PRUNE2: variants seen among roughly 807,000 people sequenced by gnomAD.
PRUNE2 encodes the protein prune homolog 2 with BCH domain.
Under a neutral mutation model 252.0 loss-of-function variants are expected in PRUNE2, and 164 were observed. The observed-to-expected ratio is 0.65, with a 90% confidence interval of 0.57 to 0.74. The LOEUF is 0.74. PRUNE2 is among the 30% of genes least tolerant of loss of function. PRUNE2 has a pLI of 0.00. For synonymous variants in PRUNE2, 1,292 were observed against 1,350.2 expected (o/e 0.96, Z 0.94); for missense variants, 3,495 against 3,711.0 (o/e 0.94, Z 1.51).
chr9:76,772,714 C>T (rs563484064), intron 6 of PRUNE2, among the ~76,000 whole-genome samples: 1 of 152,234 alleles, frequency 6.6e-6, no homozygotes, highest in East Asian at 1.9e-4. Context: ...TAGGCACACA[C>T]GGCTGTATCC....
chr9:76,696,808 C>T (rs944421290), intron 9 of PRUNE2, among the ~76,000 whole-genome samples: 2 of 152,236 alleles, frequency 1.3e-5, no homozygotes, highest in African/African-American at 4.8e-5. Flanking sequence ...CCGTGTCCCT[C>T]ACACTAGGTC....
intron 11 of PRUNE2, among the ~76,000 whole-genome samples, chr9:76,649,615 TA>T (rs1846470412): frequency 1.6e-5 from 2 of 122,482 alleles, no homozygotes; most frequent in African/African-American, 8.1e-5. Flanking sequence ...AGATAGATGA[TA>T]GATAGATAGA....
chr9:76,756,189 A>G (rs1382485534), intron 6 of PRUNE2, among the ~76,000 whole-genome samples: 2 of 152,218 alleles, frequency 1.3e-5, no homozygotes, highest in African/African-American at 4.8e-5. Context: ...CCAACTAATG[A>G]GAGGTCATGT....
intron 9 of PRUNE2, among the ~76,000 whole-genome samples, chr9:76,660,196 C>T (rs1384721708): frequency 1.3e-5 from 2 of 152,274 alleles, no homozygotes; most frequent in East Asian, 1.9e-4. Flanking sequence ...TAGGGTCTCA[C>T]AGCATAAGGG....
chr9:76,615,319 T>G, intron 18 of PRUNE2: 1 of 808,524 alleles, frequency 1.2e-6, no homozygotes, highest in Non-Finnish European at 1.5e-6. Flanking sequence ...GAGAAACTAT[T>G]AGTTTGCAAA....
chr9:76,755,028 G>A (rs1293302897), intron 6 of PRUNE2, among the ~76,000 whole-genome samples: 2 of 149,356 alleles, frequency 1.3e-5, no homozygotes, highest in East Asian at 3.9e-4. Flanking sequence ...AACTTTTTAT[G>A]GTTCCTTATC....
intron 9 of PRUNE2, among the ~76,000 whole-genome samples, chr9:76,703,115 T>TCC (rs397704345): frequency 2.7e-5 from 4 of 149,912 alleles, no homozygotes; most frequent in South Asian, 4.3e-4. Context: ...GGTATAAGAC[T>TCC]GAATGAAAAT....
chr9:76,863,400 C>T (rs370501506), intron 1 of PRUNE2: 1 of 152,154 alleles, frequency 6.6e-6, no homozygotes, highest in African/African-American at 2.4e-5. Context: ...AAAAACATTA[C>T]TGTCTTCATA....
Position 76,717,705 on chromosome 9 carries a change from G to A in PRUNE2, c.757-3984C>T, listed in dbSNP as rs369531777. Among the ~76,000 whole-genome samples, 11 of 151,928 alleles carry A rather than the reference G, an allele frequency of 7.2e-5. No homozygotes were observed. In the East Asian group the frequency reaches 2.1e-3, roughly 29 times the overall value. On this transcript the variant is annotated intron_variant, in intron 6 of 18. Coordinates refer to ENST00000376718, the MANE Select transcript of PRUNE2 (RefSeq NM_015225.3). ...CCCCCACCAGCCACACACACCTTCT[G>A]CATTTGTGACCCCAGCCTATAACTG...
At chr9:76,872,600 A>AAC (rs71354690) in intron 1 of PRUNE2, among the ~76,000 whole-genome samples, 26,447 of 139,124 alleles carry the variant, frequency 0.19, 2,523 homozygotes, top group East Asian at 0.33. Flanking sequence ...GATTATGGAA[A>AAC]ACACACACAC....
At chr9:76,657,718 A>G (rs1018749515) in intron 9 of PRUNE2, among the ~76,000 whole-genome samples, 2 of 152,266 alleles carry the variant, frequency 1.3e-5, no homozygotes, top group Non-Finnish European at 2.9e-5. Flanking sequence ...AAGGTATTAC[A>G]TACCCTCCAC....
rs560331397 is a variant in PRUNE2 at position 76,903,884 on chromosome 9, G to A, written c.36+2044C>T. Among the ~76,000 whole-genome samples the A allele has an allele frequency of 4.7e-4, 72 of 152,244 alleles. 1 individual carries two copies. Among genetic ancestry groups the A allele is most frequent in the Non-Finnish European group, 7.2e-4 (49 of 68,024 alleles). ...ATTACAGGCGTGAGCCACCACACCC[G>A]GCCAAATCTTACCTTTTTATTATAA... On this transcript the variant is annotated intron_variant, in intron 1 of 18. Transcript: ENST00000376718.
intron 1 of PRUNE2, among the ~76,000 whole-genome samples, chr9:76,891,929 T>C (rs1218984776): frequency 6.6e-6 from 1 of 152,080 alleles, no homozygotes; most frequent in Non-Finnish European, 1.5e-5. Flanking sequence ...ATCAAGTAGG[T>C]GACAACAGTT....
chr9:76,727,705 C>A (rs1027237335), intron 6 of PRUNE2, among the ~76,000 whole-genome samples: 8 of 76,584 alleles, frequency 1.0e-4, no homozygotes, highest in Admixed American at 1.7e-4. Context: ...TATGGGTAAA[C>A]AGGGCTTTTT....
intron 6 of PRUNE2, among the ~76,000 whole-genome samples, chr9:76,752,654 G>A (rs1182753348): frequency 2.0e-5 from 3 of 152,280 alleles, no homozygotes; most frequent in East Asian, 3.9e-4. Flanking sequence ...AGCAGGCAAC[G>A]CTCTGAGCAT....
chr9:76,804,685 A>G (rs2056808603), intron 6 of PRUNE2, among the ~76,000 whole-genome samples: 1 of 152,166 alleles, frequency 6.6e-6, no homozygotes, highest in Admixed American at 6.5e-5. Context: ...AGAAAGCCCC[A>G]GTGGGTGCTG....
In PRUNE2 at chr9:76,703,549, T is replaced by A; in HGVS notation, c.8064A>T (p.Leu2688=). 1 of 1,613,806 alleles carries A rather than the reference T, an allele frequency of 6.2e-7. No individual in the cohort carries two copies. The highest frequency in any genetic ancestry group is 8.5e-7 in the Non-Finnish European group (1 of 1,179,840). ...GGCTGACTGGACCAGAGGCTTCCTCTAGTGCCAAAGATTCTAGAGGCTTCA... is the reference window on the plus strand; with the variant it reads ...GGCTGACTGGACCAGAGGCTTCCTCAAGTGCCAAAGATTCTAGAGGCTTCA... ...EEMKPLESLA[L]EEASGPVSQS... The change falls in exon 9 of 19, where the codon CTA becomes CTT. Residue 2688 remains leucine, a synonymous_variant. Transcript: ENST00000376718.
At chr9:76,790,720 T>A (rs911826877) in intron 6 of PRUNE2, among the ~76,000 whole-genome samples, 1 of 152,240 alleles carries the variant, frequency 6.6e-6, no homozygotes, top group Non-Finnish European at 1.5e-5. Context: ...AAATGAGACC[T>A]GCTGTGAGAA....
At chr9:76,848,081 C>T (rs972268283) in intron 3 of PRUNE2, among the ~76,000 whole-genome samples, 9 of 151,850 alleles carry the variant, frequency 5.9e-5, no homozygotes, top group African/African-American at 9.7e-5. Context: ...CTGGCCAACA[C>T]GGTGAAACCC....
Sources: gnomAD v4.1 joint callset for allele counts (sites outside exome capture counted in the v4.1 genomes callset) on GRCh38, gnomAD v4.1.1 for gene constraint, MANE v1.5 for transcripts, NCBI Gene and HGNC (gene_info 2026-07-23, HGNC 2026-07-21) for gene names.